Variants in PCDHGA6 observed in about 807,000 individuals in gnomAD.
PCDHGA6 encodes protocadherin gamma subfamily A, 6.
A neutral mutation model predicts 60.6 loss-of-function variants in PCDHGA6; 41 were observed. The ratio of observed to expected loss-of-function variants is 0.68; its 90% CI spans 0.53 to 0.88. The LOEUF (loss-of-function observed/expected upper bound fraction) is 0.88, where lower values mean the gene tolerates loss of function less well. Among genes scored for constraint, PCDHGA6 ranks in the 40% least tolerant of loss-of-function variants. The pLI, the probability that PCDHGA6 is intolerant of heterozygous loss-of-function variation, is 0.00. For synonymous variants in PCDHGA6, 594 were observed against 524.4 expected, an observed-to-expected ratio of 1.13 and a Z score of -1.81; for missense variants, 1,312 against 1,203.0, an observed-to-expected ratio of 1.09 and a Z score of -1.34.
At chr5:141,422,470 T>G in intron 1 of PCDHGA6, 1 of 1,613,440 alleles carries the variant, frequency 6.2e-7, no homozygotes, top group South Asian at 1.1e-5. Flanking sequence ...GGACAGGGAG[T>G]TGGTCCAGAG....
At chr5:141,508,662 T>G (rs2099870759) in intron 3 of PCDHGA6, among the ~76,000 whole-genome samples, 1 of 152,122 alleles carries the variant, frequency 6.6e-6, no homozygotes, top group Non-Finnish European at 1.5e-5. Context: ...CCTGTCATTC[T>G]GTCTCTGCCT....
At position 141,461,300 on chromosome 5, in the gene PCDHGA6, A is replaced by G. The variant is rs889981233; in HGVS notation, c.2425-33507A>G. Among the ~76,000 whole-genome samples, 10 of 152,106 alleles carry G rather than the reference A, an allele frequency of 6.6e-5. No individual in the cohort carries two copies. In the East Asian group the frequency reaches 1.4e-3, roughly 21 times the overall value. On this transcript the variant is annotated intron_variant, in intron 1 of 3. Transcript: ENST00000517434. The stretch of plus-strand genomic sequence containing the variant: ...TTTCCCCACATCCACACCAACATCT[A>G]TTGTTTTTTGACTTTTTAATAATGG...
At position 141,374,341 on chromosome 5, in the gene PCDHGA6, C is replaced by T. The variant is rs1770393782; in HGVS notation, c.258C>T (p.Thr86=). 4 of 1,613,988 alleles carry T rather than the reference C, an allele frequency of 2.5e-6. No individual in the cohort carries two copies. The highest frequency in any genetic ancestry group is 3.4e-6 in the Non-Finnish European group (4 of 1,179,890). The change falls in exon 1 of 4, where the codon ACC becomes ACT. Residue 86 remains threonine (T), a synonymous_variant. Coordinates refer to ENST00000517434, the MANE Select transcript of PCDHGA6 (RefSeq NM_018919.3). ...SLNPRNGSLV[T]AGRIDREELC... Reference sequence around the variant, plus strand: ...ATCCGCGAAACGGCAGCTTGGTCACCGCGGGTAGGATAGACCGCGAGGAGC... The same window carrying T: ...ATCCGCGAAACGGCAGCTTGGTCACTGCGGGTAGGATAGACCGCGAGGAGC...
chr5:141,410,154 A>C (rs1254712035), intron 1 of PCDHGA6: 1 of 1,612,962 alleles, frequency 6.2e-7, no homozygotes, highest in Non-Finnish European at 8.5e-7. Flanking sequence ...GACGGTGGAC[A>C]GCCGCCACTC....
intron 1 of PCDHGA6, among the ~76,000 whole-genome samples, chr5:141,435,150 C>G (rs1256233613): frequency 6.6e-6 from 1 of 152,006 alleles, no homozygotes; most frequent in Non-Finnish European, 1.5e-5. Context: ...TTGTGATAAA[C>G]TTTTGTAAAT....
At chr5:141,506,955 C>G (rs1387377785) in intron 3 of PCDHGA6, 1 of 152,244 alleles carries the variant, frequency 6.6e-6, no homozygotes, top group Non-Finnish European at 1.5e-5. Context: ...AATGAATCCT[C>G]TCAATAGCTC....
rs1408454981 is a variant in PCDHGA6, at chr5:141,489,682, T to C, written c.2425-5125T>C. The C allele has an allele frequency of 6.2e-7, 1 of 1,614,184 alleles. No individual in the cohort carries two copies. The highest frequency in any genetic ancestry group is 8.5e-7 in the Non-Finnish European group (1 of 1,180,024). On this transcript the variant is annotated intron_variant, in intron 1 of 3. Transcript: ENST00000517434. This position sits in a 1 kb window ranked among gnomAD's most constrained non-coding sequence, Gnocchi z 4.5. ...GATGCGCATCTCAGAATCAGCAGCATCTGGGGCACGATTCCCACTGGACAG... is the reference window on the plus strand; with the variant it reads ...GATGCGCATCTCAGAATCAGCAGCACCTGGGGCACGATTCCCACTGGACAG...
intron 3 of PCDHGA6, among the ~76,000 whole-genome samples, chr5:141,509,353 C>A (rs2099876446): frequency 6.6e-6 from 1 of 152,170 alleles, no homozygotes; most frequent in Non-Finnish European, 1.5e-5. Context: ...CTGGCCTGGG[C>A]ATCCCTGAGG....
At chr5:141,427,386 A>G (rs2097020887) in intron 1 of PCDHGA6, 1 of 459,098 alleles carries the variant, frequency 2.2e-6, no homozygotes, top group Non-Finnish European at 4.4e-6. Context: ...CACTCTGTTC[A>G]AAACACATGA....
In PCDHGA6 at chr5:141,491,359, G is replaced by C. The variant is rs764159829; in HGVS notation, c.2425-3448G>C. 3 of 1,614,154 alleles carry C rather than the reference G, an allele frequency of 1.9e-6. No homozygotes were observed. In the East Asian group the frequency reaches 6.7e-5, roughly 36 times the overall value. On this transcript the variant is annotated intron_variant, in intron 1 of 3. Coordinates refer to ENST00000517434, the MANE Select transcript of PCDHGA6 (RefSeq NM_018919.3). This position sits in a 1 kb window ranked among gnomAD's most constrained non-coding sequence, Gnocchi z 6.9. ...AGCGACCGTCAGTCTCTTATCCCTA[G>C]TCACCTTCACCTTTCTGTCAGCGAA...
chr5:141,415,315 G>T (rs201784236), intron 1 of PCDHGA6: 14 of 1,614,208 alleles, frequency 8.7e-6, no homozygotes, highest in African/African-American at 4.0e-5. Context: ...CTTCGTCATC[G>T]TGCTGCTGGC....
At chr5:141,383,963 C>G (rs967868907) in intron 1 of PCDHGA6, 1 of 1,613,480 alleles carries the variant, frequency 6.2e-7, no homozygotes, top group South Asian at 1.1e-5. Flanking sequence ...TTAAGTAGCT[C>G]AATCCCTGAA....
In PCDHGA6 at chr5:141,402,676, C is replaced by T. The variant is rs746643713; in HGVS notation, c.2424+26169C>T. 2.0e-5 allele frequency among the ~76,000 whole-genome samples: 3 copies of T among 152,282 alleles called. No homozygotes were observed. The East Asian group carries it at 5.8e-4, about 29-fold the overall frequency. ...GAGTAGTGTTTTCTTTATCAGCCAT[C>T]TGATATAATGTTACACATCAGTGGG... On this transcript the variant is annotated intron_variant, in intron 1 of 3. Transcript: ENST00000517434.
At chr5:141,403,509 A>G in intron 1 of PCDHGA6, 1 of 1,614,002 alleles carries the variant, frequency 6.2e-7, no homozygotes, top group Non-Finnish European at 8.5e-7. Context: ...CAGACTGGAG[A>G]CAATGGAGCC....
At chr5:141,383,441 C>T (rs529896434) in intron 1 of PCDHGA6, 15 of 1,613,978 alleles carry the variant, frequency 9.3e-6, no homozygotes, top group South Asian at 7.7e-5. Flanking sequence ...TTCTCCCTGG[C>T]TGTGCAAAGT....
chr5:141,375,758 G>A lies in PCDHGA6; in HGVS notation c.1675G>A (p.Ala559Thr). ...GTTTGTGCTGGACCAGAATGACAAT[G>A]CGCCCGAGATCCTGTACCCCGCCCT... ...SLFVLDQNDN[A>T]PEILYPALPT... Residue 559 changes from alanine to threonine, a missense_variant, in exon 1 of 4, where the codon GCG becomes ACG. By Grantham distance (58) the Ala-to-Thr change is moderately conservative. Transcript: ENST00000517434. 1 of 1,614,230 alleles carries A rather than the reference G, an allele frequency of 6.2e-7. No individual in the cohort carries two copies.
rs984222446 is a variant in PCDHGA6 at position 141,493,942 on chromosome 5, G to T, written c.2425-865G>T. ...ACACACCCCCTGGAAAGACCAGAAG[G>T]GACTCAGGAATGAAGTGGCTGGCCA... On this transcript the variant is annotated intron_variant, in intron 1 of 3. Transcript: ENST00000517434. The surrounding 1 kb of genome is among the most constrained non-coding windows in gnomAD (Gnocchi z 4.3). Among the ~76,000 whole-genome samples the T allele has an allele frequency of 1.3e-5, 2 of 152,168 alleles. No individual in the cohort carries two copies. Among genetic ancestry groups the T allele is most frequent in the Non-Finnish European group, 1.5e-5 (1 of 68,022 alleles).
chr5:141,405,770 G>A (rs989163026), intron 1 of PCDHGA6, among the ~76,000 whole-genome samples: 9 of 152,030 alleles, frequency 5.9e-5, no homozygotes, highest in South Asian at 4.2e-4. Flanking sequence ...GAGCCACTGC[G>A]CCTGGCCCTT....
chr5:141,383,900 T>C (rs766644204), intron 1 of PCDHGA6: 6 of 1,613,976 alleles, frequency 3.7e-6, no homozygotes, highest in Non-Finnish European at 5.1e-6. Context: ...GCAAAAGTAC[T>C]GATCACAGTT....
Sources: allele counts gnomAD v4.1 joint callset (sites outside exome capture counted in the v4.1 genomes callset), GRCh38; gene constraint gnomAD v4.1.1; non-coding constraint Gnocchi (gnomAD v3.1); transcripts MANE v1.5; gene names NCBI Gene and HGNC (gene_info 2026-07-23, HGNC 2026-07-21).